RSRC1: variants seen among roughly 807,000 people sequenced by gnomAD.
The protein encoded by RSRC1 is arginine and serine rich coiled-coil 1.
A neutral mutation model predicts 49.1 loss-of-function variants in RSRC1; 39 were observed. That is an observed-to-expected ratio of 0.79 (90% CI 0.61 to 1.04). The LOEUF is 1.04. Among genes scored for constraint, RSRC1 ranks in the 50% least tolerant of loss-of-function variants. The pLI is 0.00. For synonymous variants in RSRC1, 143 were observed against 130.8 expected, an observed-to-expected ratio of 1.09 and a Z score of -0.63; for missense variants, 388 against 402.4, an observed-to-expected ratio of 0.96 and a Z score of 0.31.
At chr3:158,241,973 A>T (rs1158373631) in intron 4 of RSRC1, among the ~76,000 whole-genome samples, 4 of 146,276 alleles carry the variant, frequency 2.7e-5, no homozygotes, top group African/African-American at 1.0e-4. Flanking sequence ...CCATCACATG[A>T]TATGAATGTT....
At chr3:158,315,114 GAAACCAAATGT>G (rs1159550910) in intron 5 of RSRC1, among the ~76,000 whole-genome samples, 1 of 152,002 alleles carries the variant, frequency 6.6e-6, no homozygotes, top group Non-Finnish European at 1.5e-5. Flanking sequence ...GTGCATATAT[GAAACCAAATGT>G]AAACTCTTTA....
At chr3:158,385,281 G>C (rs1732912373) in intron 6 of RSRC1, among the ~76,000 whole-genome samples, 2 of 152,134 alleles carry the variant, frequency 1.3e-5, no homozygotes. Context: ...AGGTAGGAGA[G>C]AGCTGTGCAG....
chr3:158,175,283 CTAA>C (rs1465385701), intron 3 of RSRC1, among the ~76,000 whole-genome samples: 3 of 151,980 alleles, frequency 2.0e-5, no homozygotes, highest in Non-Finnish European at 4.4e-5. Flanking sequence ...CCTTTTTACT[CTAA>C]TGATGGTGTC....
At chr3:158,162,205 T>G (rs1718271475) in intron 3 of RSRC1, among the ~76,000 whole-genome samples, 2 of 152,318 alleles carry the variant, frequency 1.3e-5, no homozygotes, top group South Asian at 4.1e-4. Context: ...CAAAATACTC[T>G]AAGTAAATCA....
intron 7 of RSRC1, among the ~76,000 whole-genome samples, chr3:158,480,300 A>G (rs1293291654): frequency 6.6e-6 from 1 of 152,046 alleles, no homozygotes; most frequent in Non-Finnish European, 1.5e-5. Context: ...TAAAAAGAAT[A>G]AGAAGCCCTA....
Position 158,187,568 on chromosome 3 carries a change from A to G in RSRC1, c.321-15504A>G, listed in dbSNP as rs1427136959. ...ATTACATATTAGGAATATACAAGCAACCCCTCTTTACAAACACTTGATCTG... is the reference window on the plus strand; with the variant it reads ...ATTACATATTAGGAATATACAAGCAGCCCCTCTTTACAAACACTTGATCTG... On this transcript the variant is annotated intron_variant, in intron 3 of 9. Coordinates refer to ENST00000611884, the MANE Select transcript of RSRC1 (RefSeq NM_001271838.2). Among the ~76,000 whole-genome samples, 4 of 151,988 alleles carry G rather than the reference A, an allele frequency of 2.6e-5. No homozygotes were observed. The East Asian group carries it at 7.7e-4, about 29-fold the overall frequency.
At chr3:158,315,795 T>C (rs985776176) in intron 5 of RSRC1, among the ~76,000 whole-genome samples, 1 of 152,174 alleles carries the variant, frequency 6.6e-6, no homozygotes, top group Non-Finnish European at 1.5e-5. Flanking sequence ...ATCACTTTAA[T>C]TTTGAAAATA....
At chr3:158,375,902 T>C (rs972204048) in intron 6 of RSRC1, among the ~76,000 whole-genome samples, 1 of 152,198 alleles carries the variant, frequency 6.6e-6, no homozygotes, top group Non-Finnish European at 1.5e-5. Flanking sequence ...GGTATTCTTT[T>C]AGGCACCAGG....
In RSRC1 at chr3:158,544,057, A is replaced by G. The variant is rs148807723; in HGVS notation, c.913-126A>G. ...ATAGTCATCAATTAAGAGGTCATCA[A>G]GAGTTAAACAGTATCCAAATCTTGT... On this transcript the variant is annotated intron_variant, in intron 9 of 9. Transcript: ENST00000611884. 876 of 624,698 alleles carry G rather than the reference A, an allele frequency of 1.4e-3. 9 individuals are homozygous for G. Among genetic ancestry groups the G allele is most frequent in the African/African-American group, 0.013 (728 of 54,546 alleles). The allele number at this position is 624,698 out of a possible 1,614,324, so 38.7% of individuals were successfully genotyped here.
At chr3:158,275,942 A>AT in intron 4 of RSRC1, 2 of 737,204 alleles carry the variant, frequency 2.7e-6, no homozygotes, top group Non-Finnish European at 4.8e-6. Flanking sequence ...GAGCCCACAC[A>AT]TTTCCCTGTG....
rs1164081951 is a variant in RSRC1, at chr3:158,545,293, C to T, written c.*1018C>T. On this transcript the variant is annotated 3_prime_UTR_variant, in exon 10 of 10. Coordinates refer to ENST00000611884, the MANE Select transcript of RSRC1 (RefSeq NM_001271838.2). Reference sequence around the variant, plus strand: ...CTCAGCTCACTGCAAGCTCCGCCTCCCAGGTTCACGCCATTTTCTTGCCTC... The same window carrying T: ...CTCAGCTCACTGCAAGCTCCGCCTCTCAGGTTCACGCCATTTTCTTGCCTC... The T allele has an allele frequency of 6.7e-6, 1 of 148,442 alleles. No individual in the cohort carries two copies. The highest frequency in any genetic ancestry group is 2.5e-5 in the African/African-American group (1 of 40,240). 9.2% of individuals were successfully genotyped at this position (148,442 alleles called of 1,614,324 possible).
intron 3 of RSRC1, among the ~76,000 whole-genome samples, chr3:158,202,576 A>ATATATATATATATATATATG (rs1721117641): frequency 7.0e-6 from 1 of 142,352 alleles, no homozygotes; most frequent in African/African-American, 2.7e-5. Context: ...ATATATATAT[A>ATATATATATATATATATATG]TATATGTTTT....
At chr3:158,376,190 GTT>G (rs760919300) in intron 6 of RSRC1, among the ~76,000 whole-genome samples, 1 of 71,408 alleles carries the variant, frequency 1.4e-5, no homozygotes, top group Non-Finnish European at 2.5e-5. Flanking sequence ...CCTTCCTTTC[GTT>G]TTTTTTTTTT....
At chr3:158,204,910 A>C (rs1289163535) in intron 4 of RSRC1, among the ~76,000 whole-genome samples, 2 of 152,066 alleles carry the variant, frequency 1.3e-5, no homozygotes, top group African/African-American at 4.8e-5. Flanking sequence ...GAAATATGAG[A>C]GAGTGAATAA....
intron 6 of RSRC1, among the ~76,000 whole-genome samples, chr3:158,406,921 T>G (rs185310696): frequency 6.6e-6 from 1 of 152,202 alleles, no homozygotes; most frequent in African/African-American, 2.4e-5. Context: ...TTTATTATTC[T>G]GGAGATTTAA....
At chr3:158,537,836 T>A (rs1280258951) in intron 8 of RSRC1, among the ~76,000 whole-genome samples, 1 of 151,784 alleles carries the variant, frequency 6.6e-6, no homozygotes, top group Non-Finnish European at 1.5e-5. Flanking sequence ...ATATTCTACA[T>A]CCATAAATTG....
rs189302618 is a variant in RSRC1 at position 158,131,537 on chromosome 3, A to G, written c.320+7546A>G. Among the ~76,000 whole-genome samples, 14 of 152,308 alleles carry G rather than the reference A, an allele frequency of 9.2e-5. No homozygotes were observed. In the East Asian group the frequency reaches 2.7e-3, roughly 29 times the overall value. On this transcript the variant is annotated intron_variant, in intron 3 of 9. Coordinates refer to ENST00000611884, the MANE Select transcript of RSRC1 (RefSeq NM_001271838.2). The stretch of plus-strand genomic sequence containing the variant: ...CCCAAAACACCCATTGTGTGTGGGT[A>G]GCATTGAGGGATTTGAAGTGACAGA...
intron 3 of RSRC1, among the ~76,000 whole-genome samples, chr3:158,128,031 TGA>T (rs1715747218): frequency 6.6e-6 from 1 of 152,178 alleles, no homozygotes; most frequent in Non-Finnish European, 1.5e-5. Context: ...TCAATGGTGC[TGA>T]GTCATCCCAG....
chr3:158,237,949 G>A lies in RSRC1; in HGVS notation c.494+34704G>A, dbSNP rs9754542. 8.9e-3 allele frequency among the ~76,000 whole-genome samples: 1,356 copies of A among 152,108 alleles called. 19 individuals carry two copies. Among genetic ancestry groups the A allele is most frequent in the African/African-American group, 0.031 (1,299 of 41,508 alleles). Reference sequence around the variant, plus strand: ...ATTGGCTGTGGGTTTGTCATAAATAGCTCCTATTATTTTGAGATACGTTTC... The same window carrying A: ...ATTGGCTGTGGGTTTGTCATAAATAACTCCTATTATTTTGAGATACGTTTC... On this transcript the variant is annotated intron_variant, in intron 4 of 9. Transcript: ENST00000611884.
Sources: allele counts gnomAD v4.1 joint callset (sites outside exome capture counted in the v4.1 genomes callset), GRCh38; gene constraint gnomAD v4.1.1; transcripts MANE v1.5; gene names NCBI Gene and HGNC (gene_info 2026-07-23, HGNC 2026-07-21).